ANKRD17: variants seen among roughly 807,000 people sequenced by gnomAD.
The protein encoded by ANKRD17 is ankyrin repeat domain-containing protein 17.
Under a neutral mutation model 229.7 loss-of-function variants are expected in ANKRD17, and 19 were observed. The observed-to-expected ratio is 0.08, with a 90% CI of 0.06 to 0.12. ANKRD17 has a LOEUF of 0.12. ANKRD17 is among the 10% of genes least tolerant of loss of function. The pLI is 1.00. For missense variants in ANKRD17, 2,176 were observed against 3,176.8 expected (o/e 0.68, Z 7.57); for synonymous variants, 1,112 against 1,146.1 (o/e 0.97, Z 0.60).
At chr4:73,158,249 GC>G (rs1442638164) in intron 3 of ANKRD17, among the ~76,000 whole-genome samples, 1 of 150,728 alleles carries the variant, frequency 6.6e-6, no homozygotes, top group African/African-American at 2.4e-5. Flanking sequence ...CCCTCCACTG[GC>G]CTATAATCTC....
chr4:73,086,596 T>C (rs1722152278), intron 29 of ANKRD17, among the ~76,000 whole-genome samples: 1 of 151,846 alleles, frequency 6.6e-6, no homozygotes, highest in Non-Finnish European at 1.5e-5. Flanking sequence ...ACGATTTTTT[T>C]TTTTAATTTA....
intron 1 of ANKRD17, among the ~76,000 whole-genome samples, chr4:73,196,537 C>T (rs111235446): frequency 3.7e-4 from 56 of 152,004 alleles, no homozygotes; most frequent in African/African-American, 1.2e-3. Context: ...TACATATATA[C>T]GTTTATATTT....
chr4:73,150,778 CTG>C (rs775649994), intron 7 of ANKRD17, among the ~76,000 whole-genome samples: 8 of 152,100 alleles, frequency 5.3e-5, no homozygotes, highest in Non-Finnish European at 1.2e-4. Context: ...TGGCCCATTT[CTG>C]TGTCATAAAT....
In ANKRD17 at chr4:73,102,299, A is replaced by G. The variant is rs80018807; in HGVS notation, c.4573+77T>C. 8.7e-3 allele frequency: 12,545 copies of G among 1,434,572 alleles called. 86 individuals carry two copies. The highest frequency in any genetic ancestry group is 0.024 in the Admixed American group (1,010 of 41,778). 88.9% of individuals were successfully genotyped at this position (1,434,572 alleles called of 1,614,324 possible). On this transcript the variant is annotated intron_variant, in intron 25 of 33. Coordinates refer to ENST00000358602, the MANE Select transcript of ANKRD17 (RefSeq NM_032217.5). Reference sequence around the variant, plus strand: ...GTTAATAACTTGAAAGCATATTTTCAAGAGTGACTGATAATCAAGTAAATA... The same window carrying G: ...GTTAATAACTTGAAAGCATATTTTCGAGAGTGACTGATAATCAAGTAAATA...
chr4:73,230,992 G>GT (rs1409730341), intron 1 of ANKRD17, among the ~76,000 whole-genome samples: 2 of 152,090 alleles, frequency 1.3e-5, no homozygotes, highest in East Asian at 3.9e-4. Flanking sequence ...ATAAAAACAA[G>GT]TGCATACATA....
At chr4:73,251,576 TTACACCATGGATGTTGGTGCCTCC>T (rs11272708) in intron 1 of ANKRD17, among the ~76,000 whole-genome samples, 96,634 of 151,034 alleles carry the variant, frequency 0.64, 32,352 homozygotes, top group African/African-American at 0.85. Context: ...TTGGTGTAGG[TTACACCATGGATGTTGGTGCCTCC>T]TACTGGTCCT....
intron 23 of ANKRD17, 71 bp from the exon 24 acceptor site, chr4:73,113,979 G>T (rs1434695248): frequency 7.1e-6 from 8 of 1,121,026 alleles, no homozygotes; most frequent in South Asian, 4.1e-5. Flanking sequence ...CTAAAAACAC[G>T]AAGATCTTTA....
chr4:73,151,432 T>C lies in ANKRD17; in HGVS notation c.1327A>G (p.Met443Val), dbSNP rs776115439. 1 of 1,611,670 alleles carries C rather than the reference T, an allele frequency of 6.2e-7. No individual in the cohort carries two copies. Among genetic ancestry groups the C allele is most frequent in the Non-Finnish European group, 8.5e-7 (1 of 1,179,018 alleles). The change falls in exon 7 of 34, where the codon ATG (methionine) becomes GTG (valine). Residue 443 changes from methionine (M) to valine (V), a missense_variant and splice_region_variant. This residue lies in a region of ANKRD17 where 42 missense variants were observed against 141.3 expected (regional missense o/e 0.30). Transcript: ENST00000358602. ...TTGACATATTTCACCAATCTTACCATGCAAGCCTCCATCAGAGCAGTGTGC... is the reference window on the plus strand; with the variant it reads ...TTGACATATTTCACCAATCTTACCACGCAAGCCTCCATCAGAGCAGTGTGC... Reference protein sequence around the residue: ...EMHTALMEACMDGHVEVARLL... With the variant: ...EMHTALMEACVDGHVEVARLL...
At chr4:73,152,574 CT>C in intron 6 of ANKRD17, among the ~76,000 whole-genome samples, 1 of 152,210 alleles carries the variant, frequency 6.6e-6, no homozygotes, top group Admixed American at 6.5e-5. Context: ...TAATTAAAGC[CT>C]GCAAGCCCCA....
At chr4:73,079,979 G>A (rs895361535) in intron 30 of ANKRD17, among the ~76,000 whole-genome samples, 2 of 151,954 alleles carry the variant, frequency 1.3e-5, no homozygotes, top group Non-Finnish European at 2.9e-5. Flanking sequence ...GGTGGCACGC[G>A]CCTGTAGTCC....
At chr4:73,132,173 T>A (rs1473724491) in intron 16 of ANKRD17, among the ~76,000 whole-genome samples, 2 of 151,716 alleles carry the variant, frequency 1.3e-5, no homozygotes, top group Admixed American at 6.6e-5. Flanking sequence ...TGGTATGATC[T>A]TGGCTCACTG....
intron 3 of ANKRD17, among the ~76,000 whole-genome samples, chr4:73,157,248 C>T (rs920681352): frequency 8.5e-5 from 13 of 152,062 alleles, no homozygotes; most frequent in East Asian, 3.9e-4. Context: ...GGAAATCAGA[C>T]GGAAAAGATG....
chr4:73,229,471 TTCA>T (rs1338964834), intron 1 of ANKRD17, among the ~76,000 whole-genome samples: 1 of 152,176 alleles, frequency 6.6e-6, no homozygotes, highest in African/African-American at 2.4e-5. Flanking sequence ...TTATTCTTAG[TTCA>T]TCATTTCTAC....
At chr4:73,225,195 T>G (rs1256092105) in intron 1 of ANKRD17, among the ~76,000 whole-genome samples, 1 of 152,188 alleles carries the variant, frequency 6.6e-6, no homozygotes, top group South Asian at 2.1e-4. Flanking sequence ...TGCTCCATCT[T>G]TAGACTTAAA....
intron 15 of ANKRD17, among the ~76,000 whole-genome samples, chr4:73,138,476 G>C (rs1729189915): frequency 6.6e-6 from 1 of 151,828 alleles, no homozygotes; most frequent in Non-Finnish European, 1.5e-5. Context: ...ACACTATACA[G>C]TTTAGTTTCC....
At chr4:73,141,642 A>G in intron 14 of ANKRD17, 99 bp downstream of exon 14, 1 of 1,178,260 alleles carries the variant, frequency 8.5e-7, no homozygotes, top group African/African-American at 1.5e-5. Flanking sequence ...AGTAATGCCA[A>G]CTTAGTAAAC....
intron 15 of ANKRD17, among the ~76,000 whole-genome samples, chr4:73,136,272 G>A (rs1025167132): frequency 2.0e-5 from 3 of 152,086 alleles, no homozygotes; most frequent in Non-Finnish European, 4.4e-5. Context: ...CTGTGGATGT[G>A]TATTACCAAA....
chr4:73,130,275 T>C (rs1052506845), intron 16 of ANKRD17, among the ~76,000 whole-genome samples: 13 of 152,104 alleles, frequency 8.5e-5, no homozygotes, highest in African/African-American at 2.7e-4. Context: ...TTAAAAGCAG[T>C]TCATATGAAC....
At chr4:73,207,716 A>G (rs1413071728) in intron 1 of ANKRD17, among the ~76,000 whole-genome samples, 1 of 152,228 alleles carries the variant, frequency 6.6e-6, no homozygotes. Flanking sequence ...TAATTCAGCA[A>G]GAAGACATAG....
Sources: allele counts gnomAD v4.1 joint callset (sites outside exome capture counted in the v4.1 genomes callset), GRCh38; gene constraint gnomAD v4.1.1; regional missense constraint gnomAD v4.1.1; transcripts MANE v1.5; gene names NCBI Gene and HGNC (gene_info 2026-07-23, HGNC 2026-07-21).